Variants in CCSER1 observed in about 807,000 individuals in gnomAD.
CCSER1 encodes serine-rich coiled-coil domain-containing protein 1.
In CCSER1, 41 loss-of-function variants were observed where a neutral mutation model predicts 82.0. The ratio of observed to expected loss-of-function variants is 0.50; its 90% confidence interval spans 0.39 to 0.65. The LOEUF (loss-of-function observed/expected upper bound fraction) is 0.65, where lower values mean the gene tolerates loss of function less well. CCSER1 is among the 30% of genes least tolerant of loss of function. The pLI is 0.00. For synonymous variants in CCSER1, 414 were observed against 383.9 expected, an observed-to-expected ratio of 1.08 and a Z score of -0.92; for missense variants, 1,119 against 1,064.2, an observed-to-expected ratio of 1.05 and a Z score of -0.72.
At chr4:91,319,801 CACAGCAGAATTGA>C (rs1746074344) in intron 10 of CCSER1, 1 of 440,212 alleles carries the variant, frequency 2.3e-6, no homozygotes, top group African/African-American at 2.0e-5. Flanking sequence ...TCTCACAAGG[CACAGCAGAATTGA>C]ACAGCCAGAA....
chr4:91,206,798 A>C (rs539912349), intron 10 of CCSER1, among the ~76,000 whole-genome samples: 2 of 151,766 alleles, frequency 1.3e-5, no homozygotes, highest in Non-Finnish European at 2.9e-5. Flanking sequence ...TACGAGAAGT[A>C]CCTCTACTTT....
At chr4:91,089,651 TGAA>T (rs1723747068) in intron 10 of CCSER1, among the ~76,000 whole-genome samples, 1 of 152,174 alleles carries the variant, frequency 6.6e-6, no homozygotes, top group African/African-American at 2.4e-5. Flanking sequence ...TTTTATCATT[TGAA>T]GAAGTACAGG....
intron 10 of CCSER1, among the ~76,000 whole-genome samples, chr4:91,422,133 T>C (rs1446568371): frequency 6.6e-6 from 1 of 152,120 alleles, no homozygotes; most frequent in African/African-American, 2.4e-5. Context: ...GTAATACTCA[T>C]GATGGACTCC....
At chr4:90,313,309 C>T (rs1228741380) in intron 3 of CCSER1, among the ~76,000 whole-genome samples, 1 of 152,178 alleles carries the variant, frequency 6.6e-6, no homozygotes, top group African/African-American at 2.4e-5. Flanking sequence ...GAACAAGACA[C>T]TTGAATACAG....
At chr4:90,391,110 A>C (rs1391334970) in intron 3 of CCSER1, among the ~76,000 whole-genome samples, 1 of 141,200 alleles carries the variant, frequency 7.1e-6, no homozygotes, top group Non-Finnish European at 1.5e-5. Flanking sequence ...TAAAAATACA[A>C]AAAAAAAAAA....
intron 10 of CCSER1, among the ~76,000 whole-genome samples, chr4:91,594,378 T>TACACACATATATACATATATAC (rs1177413796): frequency 7.3e-6 from 1 of 137,390 alleles, no homozygotes; most frequent in African/African-American, 2.6e-5. Context: ...CACATATATA[T>TACACACATATATACATATATAC]ACACACATAT....
Position 91,552,962 on chromosome 4 carries a change from G to GGACAAGAT in CCSER1, c.2218-45609_2218-45602dup, listed in dbSNP as rs529071747. ...TCCTTGTCTTTTTGCTGATCTTAGA[G>GGACAAGAT]GACAAGATTTCGGATTCTCACCATT... On this transcript the variant is annotated intron_variant, in intron 10 of 10. Transcript: ENST00000509176. Among the ~76,000 whole-genome samples, 45 of 151,484 alleles carry GGACAAGAT rather than the reference G, an allele frequency of 3.0e-4. No homozygotes were observed. In the East Asian group the frequency reaches 8.3e-3, roughly 28 times the overall value.
chr4:91,415,606 G>GT (rs1753311941), intron 10 of CCSER1, among the ~76,000 whole-genome samples: 1 of 152,086 alleles, frequency 6.6e-6, no homozygotes, highest in East Asian at 1.9e-4. Flanking sequence ...TTTATTGAGA[G>GT]TTTTTACCAT....
intron 5 of CCSER1, among the ~76,000 whole-genome samples, chr4:90,493,776 G>C (rs1052566675): frequency 6.6e-6 from 1 of 151,848 alleles, no homozygotes; most frequent in Non-Finnish European, 1.5e-5. Context: ...CACTAAACAT[G>C]GAAAGGAACA....
intron 9 of CCSER1, among the ~76,000 whole-genome samples, chr4:91,064,769 G>A (rs1380274035): frequency 6.6e-6 from 1 of 152,154 alleles, no homozygotes; most frequent in African/African-American, 2.4e-5. Flanking sequence ...CCTGCAAGCA[G>A]GCCCTTCTAA....
Position 91,255,597 on chromosome 4 carries a change from GA to G in CCSER1, c.2217+169605del, listed in dbSNP as rs201593059. On this transcript the variant is annotated intron_variant, in intron 10 of 10. Transcript: ENST00000509176. ...ACAATACTACACCAGAGTGTTGCAG[GA>G]AGTCAGGGACACCGAAAGGAGGGAC... Among the ~76,000 whole-genome samples the G allele has an allele frequency of 2.0e-5, 3 of 152,312 alleles. No individual in the cohort carries two copies. The East Asian group carries it at 5.8e-4, about 29-fold the overall frequency.
chr4:90,558,994 A>AT (rs1348590143), intron 5 of CCSER1, among the ~76,000 whole-genome samples: 7 of 152,116 alleles, frequency 4.6e-5, no homozygotes, highest in Admixed American at 2.6e-4. Context: ...GCTGTAAGCA[A>AT]TTTTATAGGC....
At chr4:90,362,019 C>G (rs34768208) in intron 3 of CCSER1, among the ~76,000 whole-genome samples, 8 of 152,254 alleles carry the variant, frequency 5.3e-5, no homozygotes, top group African/African-American at 1.4e-4. Context: ...GGCTTACTTT[C>G]TACGTTAAAA....
intron 5 of CCSER1, among the ~76,000 whole-genome samples, chr4:90,512,392 T>C (rs925349056): frequency 6.6e-6 from 1 of 152,122 alleles, no homozygotes; most frequent in Non-Finnish European, 1.5e-5. Flanking sequence ...TTATCAATAC[T>C]GAGGAAGGGC....
At chr4:91,183,297 T>C (rs900186216) in intron 10 of CCSER1, among the ~76,000 whole-genome samples, 2 of 151,958 alleles carry the variant, frequency 1.3e-5, no homozygotes, top group Non-Finnish European at 2.9e-5. Flanking sequence ...ACAAGCTCCG[T>C]TTTTGAGCTG....
intron 10 of CCSER1, among the ~76,000 whole-genome samples, chr4:91,104,680 T>G (rs1042192584): frequency 6.6e-6 from 1 of 152,192 alleles, no homozygotes; most frequent in East Asian, 1.9e-4. Flanking sequence ...ATTTTAATTT[T>G]TCACAGTTCT....
intron 1 of CCSER1, among the ~76,000 whole-genome samples, chr4:90,139,224 G>A (rs973830567): frequency 2.0e-5 from 3 of 152,152 alleles, no homozygotes; most frequent in Admixed American, 1.3e-4. Flanking sequence ...AAGATATCCT[G>A]TCACTAGTGT....
chr4:91,341,109 C>T lies in CCSER1; in HGVS notation c.2217+255115C>T, dbSNP rs563841726. 3.5e-4 allele frequency among the ~76,000 whole-genome samples: 53 copies of T among 152,232 alleles called. 1 individual carries two copies. The South Asian group carries it at 6.0e-3, about 17-fold the overall frequency. On this transcript the variant is annotated intron_variant, in intron 10 of 10. Transcript: ENST00000509176. ...GGCAGGCTATGATTTCATTCAGCTG[C>T]CTTCTGCTGTTTTATTCTCAACATT...
At chr4:91,484,507 TAAC>T (rs1052638576) in intron 10 of CCSER1, among the ~76,000 whole-genome samples, 5 of 152,194 alleles carry the variant, frequency 3.3e-5, no homozygotes, top group South Asian at 2.1e-4. Flanking sequence ...GAATGATAGT[TAAC>T]AACACAATTT....
Sources: gnomAD v4.1 joint callset for allele counts (sites outside exome capture counted in the v4.1 genomes callset) on GRCh38, gnomAD v4.1.1 for gene constraint, MANE v1.5 for transcripts, NCBI Gene and HGNC (gene_info 2026-07-23, HGNC 2026-07-21) for gene names.